The following CCSER2 variants were observed in gnomAD, a reference collection of about 807,000 sequenced individuals.
The protein encoded by CCSER2 is coiled-coil serine rich protein 2, also known as serine-rich coiled-coil domain-containing protein 2.
CCSER2 carries 46 observed loss-of-function variants against 92.3 expected under a neutral mutation model. The observed-to-expected ratio is 0.50, with a 90% confidence interval of 0.39 to 0.64. The LOEUF (loss-of-function observed/expected upper bound fraction) is 0.64, where lower values mean the gene tolerates loss of function less well. Among genes scored for constraint, CCSER2 ranks in the 30% least tolerant of loss-of-function variants. CCSER2 has a pLI of 0.00. For synonymous variants in CCSER2, 433 were observed against 431.4 expected (o/e 1.00, Z -0.04); for missense variants, 1,244 against 1,238.9 (o/e 1.00, Z -0.06).
intron 6 of CCSER2, among the ~76,000 whole-genome samples, chr10:84,441,581 T>C (rs994315039): frequency 5.9e-5 from 9 of 152,154 alleles, no homozygotes; most frequent in African/African-American, 2.2e-4. Context: ...TGGCCATGCC[T>C]GTCAACTGGC....
chr10:84,468,643 G>A (rs1272472367), intron 7 of CCSER2, among the ~76,000 whole-genome samples: 1 of 152,164 alleles, frequency 6.6e-6, no homozygotes. Context: ...ACCTACTGGT[G>A]ACTGCATGAA....
At chr10:84,442,150 G>A (rs181263061) in intron 6 of CCSER2, among the ~76,000 whole-genome samples, 4 of 152,198 alleles carry the variant, frequency 2.6e-5, no homozygotes, top group South Asian at 2.1e-4. Flanking sequence ...GGCAAAATGG[G>A]TGATAATGAG....
At chr10:84,353,904 C>T (rs1397000670) in intron 1 of CCSER2, among the ~76,000 whole-genome samples, 1 of 104,086 alleles carries the variant, frequency 9.6e-6, no homozygotes, top group South Asian at 2.9e-4. Flanking sequence ...AACAAAAAAA[C>T]AAAAAAACCC....
chr10:84,420,635 A>G (rs150882435), intron 4 of CCSER2, among the ~76,000 whole-genome samples: 3 of 152,130 alleles, frequency 2.0e-5, no homozygotes, highest in African/African-American at 7.2e-5. Flanking sequence ...TGCAGGTTTG[A>G]TAAAGATTTA....
intron 4 of CCSER2, among the ~76,000 whole-genome samples, chr10:84,418,875 A>G (rs1002626027): frequency 6.6e-6 from 1 of 152,152 alleles, no homozygotes; most frequent in Non-Finnish European, 1.5e-5. Flanking sequence ...CTATGGGACT[A>G]GCTTGAGGTC....
chr10:84,422,405 G>T (rs1843193881), intron 4 of CCSER2, among the ~76,000 whole-genome samples: 1 of 152,206 alleles, frequency 6.6e-6, no homozygotes, highest in African/African-American at 2.4e-5. Context: ...AATATTTAGA[G>T]AAATTTATTT....
At chr10:84,492,276 T>C (rs1028990697) in intron 9 of CCSER2, among the ~76,000 whole-genome samples, 5 of 148,386 alleles carry the variant, frequency 3.4e-5, no homozygotes, top group Non-Finnish European at 7.4e-5. Flanking sequence ...CGAGACTCTG[T>C]CTCCAAAAAA....
At position 84,438,586 on chromosome 10, in the gene CCSER2, A is replaced by G. The variant is rs770167087; in HGVS notation, c.1943A>G (p.Lys648Arg). 2 of 1,613,686 alleles carry G rather than the reference A, an allele frequency of 1.2e-6. No homozygotes were observed. Among genetic ancestry groups the G allele is most frequent in the South Asian group, 2.2e-5 (2 of 91,070 alleles). Reference protein sequence around the residue: ...YGGMPFFQAQKMFVDVPENTV... With the variant: ...YGGMPFFQAQRMFVDVPENTV... ...GGGATGCCCTTTTTCCAGGCTCAGA[A>G]GATGTTTGTTGATGTACCAGAAAAT... The change falls in exon 6 of 10, where the codon AAG becomes AGG. Residue 648 changes from lysine to arginine, a missense_variant. Physicochemically the swap from Lys to Arg is conservative, Grantham distance 26. Coordinates refer to ENST00000372088, the MANE Select transcript of CCSER2 (RefSeq NM_001284240.2).
At chr10:84,357,024 A>G (rs927168189) in intron 1 of CCSER2, among the ~76,000 whole-genome samples, 12 of 152,216 alleles carry the variant, frequency 7.9e-5, no homozygotes, top group African/African-American at 2.9e-4. Context: ...TTAGGGCTTG[A>G]CTGAGGCAGC....
rs906802688 is a variant in CCSER2 at position 84,371,251 on chromosome 10, A to G, written c.199A>G (p.Arg67Gly). The G allele has an allele frequency of 4.3e-6, 7 of 1,612,944 alleles. No individual in the cohort carries two copies. The highest frequency in any genetic ancestry group is 1.3e-5 in the African/African-American group (1 of 74,890). ...TCCATCATCTCATTCATTTAATTGG[A>G]GGAAAGCAAATAAATATCAGCTTTG... ...DCPSSHSFNW[R>G]KANKYQLCAQ... Residue 67 changes from arginine (R) to glycine (G), a missense_variant, in exon 2 of 10, where the codon AGG becomes GGG. Arg to Gly is a moderately radical substitution (Grantham distance 125). Coordinates refer to ENST00000372088, the MANE Select transcript of CCSER2 (RefSeq NM_001284240.2).
intron 6 of CCSER2, among the ~76,000 whole-genome samples, chr10:84,460,403 C>T (rs1846041150): frequency 6.6e-6 from 1 of 151,870 alleles, no homozygotes; most frequent in Admixed American, 6.6e-5. Context: ...TTTTAAAAGA[C>T]TTCTGCATCC....
intron 3 of CCSER2, chr10:84,389,469 G>T: frequency 2.9e-6 from 1 of 350,408 alleles, no homozygotes; most frequent in South Asian, 2.3e-5. Context: ...TGTCTATTCT[G>T]AATAGTCAGT....
rs760669427 is a variant in CCSER2, at chr10:84,477,681, C to G, written c.2325+17C>G. ...CGAATTCCTGTAAGTAACATTTGCT[C>G]TTAGCCTCCTCTCCAGTCATTTGCT... On this transcript the variant is annotated intron_variant, in intron 9 of 9. Transcript: ENST00000372088. 5.3e-6 allele frequency: 7 copies of G among 1,325,958 alleles called. No individual in the cohort carries two copies. The highest frequency in any genetic ancestry group is 7.6e-6 in the Non-Finnish European group (7 of 924,042). 82.1% of individuals were successfully genotyped at this position (1,325,958 alleles called of 1,614,324 possible). A position where few individuals can be genotyped will look rare whatever the true frequency, so the allele number is the denominator to read the frequency against.
chr10:84,388,096 C>T (rs1355495604), intron 3 of CCSER2, among the ~76,000 whole-genome samples: 2 of 151,796 alleles, frequency 1.3e-5, no homozygotes, highest in Non-Finnish European at 2.9e-5. Flanking sequence ...AACTCCTGAC[C>T]TCGTGATCTG....
At chr10:84,408,103 A>G (rs1381437721) in intron 3 of CCSER2, among the ~76,000 whole-genome samples, 4 of 152,194 alleles carry the variant, frequency 2.6e-5, no homozygotes, top group Non-Finnish European at 5.9e-5. Context: ...AGTTTTACTT[A>G]TTATAAAAGC....
intron 9 of CCSER2, among the ~76,000 whole-genome samples, chr10:84,495,775 GTT>G (rs753940405): frequency 7.5e-6 from 1 of 133,292 alleles, no homozygotes; most frequent in East Asian, 2.1e-4. Flanking sequence ...AATTTCTTTT[GTT>G]TTTTTTTTTT....
At chr10:84,435,031 G>A (rs1477624051) in intron 5 of CCSER2, among the ~76,000 whole-genome samples, 1 of 152,060 alleles carries the variant, frequency 6.6e-6, no homozygotes, top group African/African-American at 2.4e-5. Flanking sequence ...CTAGTTGAGG[G>A]GATCAGGAAG....
At chr10:84,498,558 G>T (rs1848567942) in intron 9 of CCSER2, among the ~76,000 whole-genome samples, 1 of 151,970 alleles carries the variant, frequency 6.6e-6, no homozygotes, top group Non-Finnish European at 1.5e-5. Context: ...CTGAGTCAAA[G>T]AATGTTGATA....
intron 6 of CCSER2, chr10:84,452,271 C>T (rs1035063712): frequency 2.0e-5 from 3 of 152,116 alleles, no homozygotes; most frequent in Admixed American, 2.0e-4. Context: ...ACAGGAAGAT[C>T]TCAGTTTTTG....
Sources: allele counts gnomAD v4.1 joint callset (sites outside exome capture counted in the v4.1 genomes callset), GRCh38; gene constraint gnomAD v4.1.1; transcripts MANE v1.5; gene names NCBI Gene and HGNC (gene_info 2026-07-23, HGNC 2026-07-21).